TANC2: variants seen among roughly 807,000 people sequenced by gnomAD.
The protein encoded by TANC2 is tetratricopeptide repeat, ankyrin repeat and coiled-coil containing 2, also known as protein TANC2.
In TANC2, 26 loss-of-function variants were observed where a neutral mutation model predicts 210.5. That is an observed-to-expected ratio of 0.12 (90% CI 0.09 to 0.17). The LOEUF is 0.17. Ranked by LOEUF, TANC2 falls within the 10% of genes least tolerant of loss-of-function variation. The pLI is 1.00. For synonymous variants in TANC2, 931 were observed against 967.1 expected (o/e 0.96, Z 0.69); for missense variants, 2,129 against 2,608.9 (o/e 0.82, Z 4.01).
intron 2 of TANC2, among the ~76,000 whole-genome samples, chr17:63,053,695 A>G (rs906512928): frequency 2.6e-5 from 4 of 152,182 alleles, no homozygotes; most frequent in African/African-American, 9.7e-5. Flanking sequence ...AGCATTTGAA[A>G]CTTAGTATTT....
chr17:63,164,225 C>T (rs1033149100), intron 5 of TANC2, among the ~76,000 whole-genome samples: 1 of 150,076 alleles, frequency 6.7e-6, no homozygotes, highest in African/African-American at 2.5e-5. Flanking sequence ...GCCTCAACCT[C>T]CTGGGCTCAA....
intron 1 of TANC2, among the ~76,000 whole-genome samples, chr17:62,973,911 A>T (rs993470516): frequency 3.3e-5 from 5 of 152,224 alleles, no homozygotes; most frequent in African/African-American, 1.2e-4. Flanking sequence ...AGAAAGTTCC[A>T]TTGGAACTTA....
chr17:63,117,559 C>G (rs771381068), intron 4 of TANC2, among the ~76,000 whole-genome samples: 14 of 152,158 alleles, frequency 9.2e-5, no homozygotes, highest in Non-Finnish European at 1.0e-4. Flanking sequence ...TGCTTTGGGA[C>G]CATAATCAAC....
chr17:63,294,228 A>G (rs1295336989), intron 9 of TANC2, among the ~76,000 whole-genome samples: 1 of 152,214 alleles, frequency 6.6e-6, no homozygotes, highest in African/African-American at 2.4e-5. Flanking sequence ...CTGTAATCCC[A>G]GCACTTTGGG....
At chr17:63,149,238 A>G (rs560074320) in intron 4 of TANC2, 5 of 152,160 alleles carry the variant, frequency 3.3e-5, no homozygotes, top group African/African-American at 1.2e-4. Context: ...TTAACTTCTG[A>G]TTAACACCAT....
intron 9 of TANC2, among the ~76,000 whole-genome samples, chr17:63,299,534 C>CTTTTTTTTTTTTTTT (rs201041332): frequency 7.9e-6 from 1 of 126,554 alleles, no homozygotes; most frequent in Non-Finnish European, 1.7e-5. Flanking sequence ...TGATGTTAAG[C>CTTTTTTTTTTTTTTT]TTTTTTTTTT....
chr17:63,273,113 G>A (rs1329102696), intron 9 of TANC2, among the ~76,000 whole-genome samples: 2 of 152,020 alleles, frequency 1.3e-5, no homozygotes, highest in Non-Finnish European at 2.9e-5. Context: ...CATAGCCTAG[G>A]CAACAACCCT....
At chr17:63,162,893 C>A (rs764343371) in intron 5 of TANC2, among the ~76,000 whole-genome samples, 3 of 151,918 alleles carry the variant, frequency 2.0e-5, no homozygotes, top group Non-Finnish European at 4.4e-5. Flanking sequence ...TCCCACTTAA[C>A]GTTAGTGGTC....
Position 63,420,502 on chromosome 17 carries a change from C to T in TANC2, c.4772C>T (p.Pro1591Leu), listed in dbSNP as rs902412126. 8 of 1,613,984 alleles carry T rather than the reference C, an allele frequency of 5.0e-6. No individual in the cohort carries two copies. The East Asian group carries it at 6.7e-5, about 13-fold the overall frequency. Residue 1591 changes from proline to leucine, a missense_variant, in exon 28 of 28, where the codon CCG becomes CTG. Pro to Leu is a moderately conservative substitution (Grantham distance 98). Around this residue, in one of 5 missense-constraint regions of TANC2, gnomAD observed 584 missense variants for 627.3 expected, o/e 0.93. Coordinates refer to ENST00000689528, the Ensembl canonical transcript of TANC2. The surrounding 1 kb of genome is among the most constrained non-coding windows in gnomAD (Gnocchi z 4.2). ...AGGCCTAGCCCACCACACACTTCCCCGGCTCATCAGGGAGGATCTTACCGT... is the reference window on the plus strand; with the variant it reads ...AGGCCTAGCCCACCACACACTTCCCTGGCTCATCAGGGAGGATCTTACCGT...
intron 3 of TANC2, among the ~76,000 whole-genome samples, chr17:63,091,456 A>AT (rs2144811809): frequency 6.6e-6 from 1 of 152,280 alleles, no homozygotes; most frequent in East Asian, 1.9e-4. Context: ...AGCCCCATTT[A>AT]TTAAATAGGG....
intron 1 of TANC2, among the ~76,000 whole-genome samples, chr17:62,973,941 A>G (rs952311111): frequency 6.6e-6 from 1 of 152,222 alleles, no homozygotes; most frequent in Non-Finnish European, 1.5e-5. Flanking sequence ...ACTTATTTAC[A>G]TATTGGGTAT....
chr17:63,276,621 T>A (rs963909785), intron 9 of TANC2, among the ~76,000 whole-genome samples: 6 of 152,088 alleles, frequency 3.9e-5, no homozygotes, highest in African/African-American at 1.4e-4. Context: ...AAGCTGAAAT[T>A]TAATATGGAA....
rs759873225 is a variant in TANC2 at position 63,412,023 on chromosome 17, C to T, written c.3791C>T (p.Ala1264Val). The change falls in exon 23 of 28, where the codon GCC (alanine) becomes GTC (valine). Residue 1264 changes from alanine to valine, a missense_variant. By Grantham distance (64) the Ala-to-Val change is moderately conservative. Coordinates refer to ENST00000689528, the Ensembl canonical transcript of TANC2. The surrounding 1 kb of genome is among the most constrained non-coding windows in gnomAD (Gnocchi z 4.2). Reference sequence around the variant, plus strand: ...GTCCAGTTCCTGGTAGATCATGGGGCCATGATCGAGCACGTTGACTACAGT... The same window carrying T: ...GTCCAGTTCCTGGTAGATCATGGGGTCATGATCGAGCACGTTGACTACAGT... 1.9e-6 allele frequency: 3 copies of T among 1,613,808 alleles called. No individual in the cohort carries two copies. Among genetic ancestry groups the T allele is most frequent in the Non-Finnish European group, 2.5e-6 (3 of 1,179,842 alleles).
At chr17:62,979,614 A>G (rs1035153582) in intron 1 of TANC2, among the ~76,000 whole-genome samples, 1 of 152,174 alleles carries the variant, frequency 6.6e-6, no homozygotes, top group Non-Finnish European at 1.5e-5. Flanking sequence ...CTGTACTTTT[A>G]AAAAATGTGG....
intron 8 of TANC2, among the ~76,000 whole-genome samples, chr17:63,255,274 A>G (rs956590408): frequency 1.2e-4 from 18 of 151,656 alleles, no homozygotes; most frequent in Admixed American, 1.1e-3. Context: ...TTGTATTTTT[A>G]GTAGAGACGA....
intron 14 of TANC2, among the ~76,000 whole-genome samples, chr17:63,357,656 A>G (rs949528254): frequency 2.6e-5 from 4 of 152,250 alleles, no homozygotes; most frequent in Non-Finnish European, 5.9e-5. Flanking sequence ...TTACTAAAGT[A>G]CTGAAGTATT....
chr17:63,079,038 C>T (rs1419890332), intron 3 of TANC2, among the ~76,000 whole-genome samples: 1 of 152,134 alleles, frequency 6.6e-6, no homozygotes, highest in Non-Finnish European at 1.5e-5. Flanking sequence ...CTGTCACATT[C>T]CTTGTACCAC....
intron 19 of TANC2, among the ~76,000 whole-genome samples, chr17:63,399,675 C>A (rs2048283322): frequency 6.6e-6 from 1 of 152,110 alleles, no homozygotes; most frequent in Admixed American, 6.5e-5. Flanking sequence ...GAGAAGTAGA[C>A]CAATATTGAG....
chr17:63,069,379 C>A (rs1382551700), intron 2 of TANC2, among the ~76,000 whole-genome samples: 1 of 152,090 alleles, frequency 6.6e-6, no homozygotes, highest in Non-Finnish European at 1.5e-5. Context: ...CCAATTGTAA[C>A]AACCAAAAAT....
Sources: gnomAD v4.1 joint callset for allele counts (sites outside exome capture counted in the v4.1 genomes callset) on GRCh38, gnomAD v4.1.1 for gene constraint, gnomAD v4.1.1 regional missense constraint, Gnocchi (gnomAD v3.1) non-coding constraint, MANE v1.5 for transcripts, NCBI Gene and HGNC (gene_info 2026-07-23, HGNC 2026-07-21) for gene names.